Variants in FSD1L observed in about 807,000 individuals in gnomAD.
FSD1L encodes FSD1-like protein.
Under a neutral mutation model 71.6 loss-of-function variants are expected in FSD1L, and 45 were observed. The ratio of observed to expected loss-of-function variants is 0.63; its 90% CI spans 0.49 to 0.81. The LOEUF (loss-of-function observed/expected upper bound fraction) is 0.81. FSD1L is among the 30% of genes least tolerant of loss of function. The pLI is 0.00. For missense variants in FSD1L, 561 were observed against 618.1 expected, an observed-to-expected ratio of 0.91 and a Z score of 0.98; for synonymous variants, 197 against 207.2, an observed-to-expected ratio of 0.95 and a Z score of 0.42.
At chr9:105,512,207 T>G (rs568602600) in intron 9 of FSD1L, among the ~76,000 whole-genome samples, 210 of 115,914 alleles carry the variant, frequency 1.8e-3, no homozygotes, top group Middle Eastern at 3.7e-3. Flanking sequence ...AGTTTTATGG[T>G]TTTTTTTTAA....
At chr9:105,521,535 G>A in intron 10 of FSD1L, 1 of 1,613,890 alleles carries the variant, frequency 6.2e-7, no homozygotes, top group Non-Finnish European at 8.5e-7. Flanking sequence ...TGAAGCAGCA[G>A]CTATGAGAAA....
At chr9:105,475,005 A>T (rs765379090) in intron 5 of FSD1L, among the ~76,000 whole-genome samples, 122 of 152,328 alleles carry the variant, frequency 8.0e-4, no homozygotes, top group Non-Finnish European at 1.5e-3. Flanking sequence ...TGGGATCCAG[A>T]TCATTAGCTT....
chr9:105,524,300 A>G (rs1564139509), intron 10 of FSD1L: 12 of 1,613,138 alleles, frequency 7.4e-6, no homozygotes, highest in Non-Finnish European at 9.3e-6. Context: ...ATGTACCTAG[A>G]CTTCAGATTT....
chr9:105,527,476 C>T (rs1432728911), intron 10 of FSD1L, among the ~76,000 whole-genome samples: 1 of 151,948 alleles, frequency 6.6e-6, no homozygotes, highest in Non-Finnish European at 1.5e-5. Context: ...GTATACATTC[C>T]ACCCTCTAGA....
chr9:105,453,189 T>A (rs1271099783), intron 1 of FSD1L, among the ~76,000 whole-genome samples: 7 of 151,956 alleles, frequency 4.6e-5, no homozygotes, highest in Admixed American at 4.6e-4. Flanking sequence ...ATTTTAATTT[T>A]AATTTTTTTT....
Position 105,468,320 on chromosome 9 carries a change from T to TA in FSD1L, c.336dup (p.Gln113ThrfsTer5). 6.7e-7 allele frequency: 1 copy of TA among 1,487,746 alleles called. No homozygotes were observed. The allele number at this position is 1,487,746 out of a possible 1,614,324, so 92.2% of individuals were successfully genotyped here. The stretch of plus-strand genomic sequence containing the variant: ...GAACAAGCTCGTAAATCCCAAGAGT[T>TA]ACAGGTGAGATCATACAGCTATTGA... On this transcript the variant is annotated frameshift_variant, in exon 4 of 14. Coordinates refer to ENST00000481272, the MANE Select transcript of FSD1L (RefSeq NM_001145313.3). LOFTEE classifies it high-confidence loss of function.
At chr9:105,460,827 G>A (rs909114668) in intron 1 of FSD1L, among the ~76,000 whole-genome samples, 2 of 152,080 alleles carry the variant, frequency 1.3e-5, no homozygotes, top group African/African-American at 4.8e-5. Context: ...ATGAGTGAAC[G>A]GTGTAAATTT....
chr9:105,495,806 C>A (rs1833348704), intron 7 of FSD1L, among the ~76,000 whole-genome samples: 1 of 152,094 alleles, frequency 6.6e-6, no homozygotes, highest in Non-Finnish European at 1.5e-5. Context: ...GAAACCTCCT[C>A]TGTACTAAAA....
intron 7 of FSD1L, among the ~76,000 whole-genome samples, chr9:105,486,004 A>ACTTT (rs1564102807): frequency 6.8e-6 from 1 of 147,334 alleles, no homozygotes; most frequent in Non-Finnish European, 1.5e-5. Flanking sequence ...TTTTTCCTTG[A>ACTTT]ATATATGGTC....
chr9:105,464,309 A>C lies in FSD1L; in HGVS notation c.185A>C (p.His62Pro). The change falls in exon 3 of 14, where the codon CAT (histidine) becomes CCT (proline). Residue 62 changes from histidine (H) to proline (P), a missense_variant. His to Pro is a moderately conservative substitution (Grantham distance 77). This residue lies in a region of FSD1L where 410 missense variants were observed against 413.5 expected (regional missense o/e 0.99). Transcript: ENST00000481272. Reference sequence around the variant, plus strand: ...ATTCAGAACTTTATTGATACACTACATCATACACTAAAAGGAGTTCAGGTA... The same window carrying C: ...ATTCAGAACTTTATTGATACACTACCTCATACACTAAAAGGAGTTCAGGTA... ...DEIQNFIDTL[H>P]HTLKGVQENS... The C allele has an allele frequency of 6.7e-7, 1 of 1,502,690 alleles. No individual in the cohort carries two copies. The highest frequency in any genetic ancestry group is 9.0e-7 in the Non-Finnish European group (1 of 1,112,828). The allele number at this position is 1,502,690 out of a possible 1,614,324, so 93.1% of individuals were successfully genotyped here. A position where few individuals can be genotyped will look rare whatever the true frequency, so the allele number is the denominator to read the frequency against.
intron 1 of FSD1L, among the ~76,000 whole-genome samples, chr9:105,459,157 A>AAGT (rs1830535967): frequency 6.6e-6 from 1 of 152,136 alleles, no homozygotes; most frequent in African/African-American, 2.4e-5. Context: ...GACTCCTACC[A>AAGT]CCATAGAGAA....
At chr9:105,509,846 G>T (rs567314171) in intron 9 of FSD1L, among the ~76,000 whole-genome samples, 15 of 152,162 alleles carry the variant, frequency 9.9e-5, no homozygotes, top group Non-Finnish European at 1.8e-4. Flanking sequence ...TGTTATTGTG[G>T]TTTCTGTAGA....
chr9:105,455,592 C>A (rs2131581592), intron 1 of FSD1L, among the ~76,000 whole-genome samples: 1 of 152,306 alleles, frequency 6.6e-6, no homozygotes. Context: ...AGGGTACAGG[C>A]TCTGGAGGCA....
intron 10 of FSD1L, among the ~76,000 whole-genome samples, chr9:105,513,809 T>G (rs1008861988): frequency 6.6e-6 from 1 of 152,224 alleles, no homozygotes; most frequent in Non-Finnish European, 1.5e-5. Context: ...TACATTGTAG[T>G]GTGCTGCATA....
chr9:105,525,767 C>G (rs1835468481), intron 10 of FSD1L: 1 of 1,604,420 alleles, frequency 6.2e-7, no homozygotes, highest in African/African-American at 1.3e-5. Context: ...GATTTTGTAG[C>G]TGGTCTTGGT....
intron 10 of FSD1L, chr9:105,525,138 T>G: frequency 6.4e-7 from 1 of 1,556,942 alleles, no homozygotes; most frequent in East Asian, 2.2e-5. Context: ...ACATCTTTCA[T>G]GCTTTCATTG....
chr9:105,508,517 A>T, intron 8 of FSD1L, 100 bp from the exon 9 acceptor site: 1 of 691,904 alleles, frequency 1.4e-6, no homozygotes, highest in Non-Finnish European at 2.6e-6. Flanking sequence ...CTTCCTGAAT[A>T]CAGAGACACG....
At chr9:105,514,015 G>A (rs1458636585) in intron 10 of FSD1L, among the ~76,000 whole-genome samples, 1 of 152,152 alleles carries the variant, frequency 6.6e-6, no homozygotes, top group African/African-American at 2.4e-5. Context: ...GGTTTGAAGA[G>A]TTCTCTGTTT....
chr9:105,545,479 A>G (rs1473939694), intron 13 of FSD1L, among the ~76,000 whole-genome samples: 2 of 147,574 alleles, frequency 1.4e-5, no homozygotes, highest in African/African-American at 2.6e-5. Context: ...GAGTGGTGAG[A>G]GAGGGCATCC....
Sources: allele counts gnomAD v4.1 joint callset (sites outside exome capture counted in the v4.1 genomes callset), GRCh38; gene constraint gnomAD v4.1.1; regional missense constraint gnomAD v4.1.1; transcripts MANE v1.5; gene names NCBI Gene and HGNC (gene_info 2026-07-23, HGNC 2026-07-21).